The following TOPAZ1 variants were observed in gnomAD, a reference collection of about 807,000 sequenced individuals.
TOPAZ1 encodes protein TOPAZ1.
In TOPAZ1, 66 loss-of-function variants were observed where a neutral mutation model predicts 172.2. That is an observed-to-expected ratio of 0.38 (90% CI 0.31 to 0.47). The LOEUF (loss-of-function observed/expected upper bound fraction) is 0.47, where lower values mean the gene tolerates loss of function less well. Ranked by LOEUF, TOPAZ1 falls within the 20% of genes least tolerant of loss-of-function variation. The probability of loss-of-function intolerance (pLI) is 0.99; values close to 1 mark genes in which losing one functional copy is unlikely to be tolerated. For synonymous variants in TOPAZ1, 681 were observed against 683.9 expected (o/e 1.00, Z 0.07); for missense variants, 1,822 against 1,972.4 (o/e 0.92, Z 1.44).
chr3:44,252,032 C>T (rs1192692850), intron 2 of TOPAZ1, among the ~76,000 whole-genome samples: 1 of 152,058 alleles, frequency 6.6e-6, no homozygotes, highest in Non-Finnish European at 1.5e-5. Flanking sequence ...CTGTTTCTTA[C>T]AAGAGTTTGC....
chr3:44,269,426 T>A (rs1156936530), intron 7 of TOPAZ1, 125 bp downstream of exon 7: 2 of 483,318 alleles, frequency 4.1e-6, no homozygotes, highest in Non-Finnish European at 7.7e-6. Flanking sequence ...AAAAATAATT[T>A]TATAAACCAA....
At chr3:44,289,278 A>C (rs993005986) in intron 11 of TOPAZ1, among the ~76,000 whole-genome samples, 8 of 152,198 alleles carry the variant, frequency 5.3e-5, no homozygotes, top group African/African-American at 1.9e-4. Flanking sequence ...AGAGCGTAAC[A>C]GTAAAAAAAT....
At chr3:44,273,529 A>C (rs1559533279) in intron 8 of TOPAZ1, among the ~76,000 whole-genome samples, 1 of 152,220 alleles carries the variant, frequency 6.6e-6, no homozygotes, top group Non-Finnish European at 1.5e-5. Context: ...TCCCTTCCGT[A>C]TACAAAATAA....
At position 44,243,849 on chromosome 3, in the gene TOPAZ1, C is replaced by T. The variant is rs780019600; in HGVS notation, c.1343C>T (p.Ser448Leu). 139 of 1,551,440 alleles carry T rather than the reference C, an allele frequency of 9.0e-5. No homozygotes were observed. Among genetic ancestry groups the T allele is most frequent in the Admixed American group, 3.1e-4 (16 of 50,906 alleles). ...ATGGCATCGAAAGAGGATTTTAAAT[C>T]GATGAAAAGCTTCATAGGGAAATCA... ...ESMASKEDFKSMKSFIGKSPN... is the reference protein window; with the variant it reads ...ESMASKEDFKLMKSFIGKSPN... Residue 448 changes from serine (S) to leucine (L), a missense_variant, in exon 2 of 20, where the codon TCG (serine) becomes TTG (leucine). Transcript: ENST00000309765.
chr3:44,263,024 G>A (rs546926807), intron 5 of TOPAZ1, among the ~76,000 whole-genome samples: 1 of 152,268 alleles, frequency 6.6e-6, no homozygotes, highest in African/African-American at 2.4e-5. Flanking sequence ...TGTGATCCTT[G>A]GAGAAGCATC....
downstream of TOPAZ1, among the ~76,000 whole-genome samples, chr3:44,332,925 T>C (rs936137748): frequency 1.3e-5 from 2 of 151,556 alleles, no homozygotes; most frequent in African/African-American, 4.8e-5. Flanking sequence ...CAGCCTCCCA[T>C]GTAGCTGAGA....
chr3:44,313,739 T>C (rs1700422538), intron 16 of TOPAZ1, among the ~76,000 whole-genome samples: 1 of 152,120 alleles, frequency 6.6e-6, no homozygotes, highest in South Asian at 2.1e-4. Flanking sequence ...TAGTTAACAA[T>C]TCCAGATGTT....
chr3:44,315,833 G>A (rs930301537), intron 16 of TOPAZ1, among the ~76,000 whole-genome samples: 1 of 152,142 alleles, frequency 6.6e-6, no homozygotes, highest in Admixed American at 6.5e-5. Context: ...TTCACCAAAT[G>A]TGAACCCTGG....
chr3:44,296,974 C>T (rs2125696342), intron 12 of TOPAZ1, among the ~76,000 whole-genome samples: 1 of 151,086 alleles, frequency 6.6e-6, no homozygotes, highest in East Asian at 1.9e-4. Flanking sequence ...GAGTTTAAGA[C>T]CAACCTGACT....
intron 19 of TOPAZ1, 133 bp downstream of exon 19, chr3:44,328,566 G>A: frequency 2.3e-6 from 1 of 431,530 alleles, no homozygotes; most frequent in Non-Finnish European, 3.8e-6. Flanking sequence ...TGTACTTTAT[G>A]TGTGTGTATT....
In TOPAZ1 at chr3:44,242,184, G is replaced by A. The variant is rs1019225658; in HGVS notation, c.131G>A (p.Arg44Gln). The A allele has an allele frequency of 2.6e-6, 4 of 1,542,318 alleles. No homozygotes were observed. Among genetic ancestry groups the A allele is most frequent in the African/African-American group, 2.8e-5 (2 of 72,254 alleles). ...GGCGPEAGGC[R>Q]ENKQKRRMVA... ...TGTGGCCCTGAGGCCGGGGGGTGCC[G>A]GGAAAATAAGCAAAAGAGGAGAATG... The change falls in exon 1 of 20, where the codon CGG (arginine) becomes CAG (glutamine). Residue 44 changes from arginine to glutamine, a missense_variant. Coordinates refer to ENST00000309765, the MANE Select transcript of TOPAZ1 (RefSeq NM_001145030.2).
In TOPAZ1 at chr3:44,242,026, G is replaced by GGGCCCCGGCGGGCC; in HGVS notation, c.-22_-21insGGCGGGCCGGCCCC. ...TGGGTTCCTGCGAGCTGGTGCAGAG[G>GGGCCCCGGCGGGCC]GGCCCCAGCGGGCCGGCCCCGGGGC... On this transcript the variant is annotated 5_prime_UTR_variant, in exon 1 of 20. Transcript: ENST00000309765. The GGGCCCCGGCGGGCC allele has an allele frequency of 6.5e-7, 1 of 1,534,388 alleles. No homozygotes were observed. The highest frequency in any genetic ancestry group is 8.7e-7 in the Non-Finnish European group (1 of 1,143,764).
rs139725366 is a variant in TOPAZ1, at chr3:44,328,517, T to C, written c.4859+84T>C. ...CCTAAGATGTAAATGTTTTATGTGT[T>C]TTTATACATACATATATATTTATGT... On this transcript the variant is annotated intron_variant, in intron 19 of 19. Transcript: ENST00000309765. 799 of 679,476 alleles carry C rather than the reference T, an allele frequency of 1.2e-3. 6 individuals carry two copies. The African/African-American group carries it at 0.014, about 12-fold the overall frequency. 42.1% of individuals were successfully genotyped at this position (679,476 alleles called of 1,614,324 possible). A position where few individuals can be genotyped will look rare whatever the true frequency, so the allele number is the denominator to read the frequency against.
At chr3:44,264,644 A>T (rs1699809816) in intron 5 of TOPAZ1, among the ~76,000 whole-genome samples, 1 of 152,196 alleles carries the variant, frequency 6.6e-6, no homozygotes, top group South Asian at 2.1e-4. Context: ...TTCACAAAAG[A>T]TTTCTCTGTA....
chr3:44,311,171 G>A (rs1332602329), intron 16 of TOPAZ1, among the ~76,000 whole-genome samples: 1 of 152,108 alleles, frequency 6.6e-6, no homozygotes, highest in Non-Finnish European at 1.5e-5. Flanking sequence ...GGAAATATAT[G>A]TATATAAAAT....
At chr3:44,267,396 G>A (rs1327857421) in intron 6 of TOPAZ1, among the ~76,000 whole-genome samples, 2 of 150,158 alleles carry the variant, frequency 1.3e-5, no homozygotes, top group African/African-American at 4.9e-5. Flanking sequence ...CCAGGTTCAA[G>A]CGATTCTCCT....
chr3:44,296,715 C>T (rs762810267), intron 12 of TOPAZ1, among the ~76,000 whole-genome samples: 11 of 151,874 alleles, frequency 7.2e-5, no homozygotes, highest in African/African-American at 2.2e-4. Context: ...TTTCATTGGA[C>T]GATTCTACCA....
intron 19 of TOPAZ1, among the ~76,000 whole-genome samples, chr3:44,330,399 T>C (rs1453396647): frequency 6.6e-6 from 1 of 152,240 alleles, no homozygotes; most frequent in African/African-American, 2.4e-5. Flanking sequence ...TCCAAACCAA[T>C]ATATTTTCTC....
At chr3:44,262,921 C>T (rs561211115) in intron 5 of TOPAZ1, among the ~76,000 whole-genome samples, 2 of 152,286 alleles carry the variant, frequency 1.3e-5, no homozygotes, top group African/African-American at 4.8e-5. Flanking sequence ...ATCCATCCTC[C>T]ACCACCCTCA....
Sources: gnomAD v4.1 joint callset for allele counts (sites outside exome capture counted in the v4.1 genomes callset) on GRCh38, gnomAD v4.1.1 for gene constraint, MANE v1.5 for transcripts, NCBI Gene and HGNC (gene_info 2026-07-23, HGNC 2026-07-21) for gene names.